CDH12: variants seen among roughly 807,000 people sequenced by gnomAD.
CDH12 encodes the protein cadherin-12.
Under a neutral mutation model 74.1 loss-of-function variants are expected in CDH12, and 41 were observed. That is an observed-to-expected ratio of 0.55 (90% CI 0.43 to 0.72). The LOEUF (loss-of-function observed/expected upper bound fraction) is 0.72, where lower values mean the gene tolerates loss of function less well. Ranked by LOEUF, CDH12 falls within the 30% of genes least tolerant of loss-of-function variation. The pLI is 0.00. For missense variants in CDH12, 945 were observed against 977.2 expected, an observed-to-expected ratio of 0.97 and a Z score of 0.44; for synonymous variants, 399 against 355.0, an observed-to-expected ratio of 1.12 and a Z score of -1.39.
At position 22,650,320 on chromosome 5, in the gene CDH12, G is replaced by A. The variant is rs139915724; in HGVS notation, c.-522-144956C>T. Among the ~76,000 whole-genome samples, 502 of 152,032 alleles carry A rather than the reference G, an allele frequency of 3.3e-3. 1 individual carries two copies. The highest frequency in any genetic ancestry group is 9.1e-3 in the African/African-American group (378 of 41,520). On this transcript the variant is annotated intron_variant, in intron 1 of 14. Transcript: ENST00000382254. ...GATAGATATAGGCTTGCTCTTCTTA[G>A]TTTTATTTTTTGTTTAGTTATGGAA...
At chr5:22,423,514 G>T (rs1054301153) in intron 2 of CDH12, among the ~76,000 whole-genome samples, 1 of 152,168 alleles carries the variant, frequency 6.6e-6, no homozygotes, top group Admixed American at 6.5e-5. Flanking sequence ...TTTTGAATGT[G>T]GGATAGGTCT....
intron 6 of CDH12, among the ~76,000 whole-genome samples, chr5:21,964,148 A>G (rs998192551): frequency 5.3e-5 from 8 of 152,052 alleles, no homozygotes; most frequent in African/African-American, 1.9e-4. Flanking sequence ...ATTAGGAAAA[A>G]TTATAAGAAT....
chr5:22,368,063 G>A (rs1463818106), intron 3 of CDH12, among the ~76,000 whole-genome samples: 2 of 151,994 alleles, frequency 1.3e-5, no homozygotes, highest in Non-Finnish European at 2.9e-5. Flanking sequence ...AACTTCTGCA[G>A]TCTTCTATAT....
At chr5:22,425,689 A>T (rs1487677342) in intron 2 of CDH12, among the ~76,000 whole-genome samples, 1 of 151,746 alleles carries the variant, frequency 6.6e-6, no homozygotes, top group Non-Finnish European at 1.5e-5. Flanking sequence ...TACTTTCTTA[A>T]TTTATATTAC....
At chr5:22,170,378 C>A (rs1274020469) in intron 4 of CDH12, among the ~76,000 whole-genome samples, 1 of 151,684 alleles carries the variant, frequency 6.6e-6, no homozygotes, top group Non-Finnish European at 1.5e-5. Flanking sequence ...ACTAACATTT[C>A]CTGAATACTT....
intron 6 of CDH12, chr5:21,883,160 G>A: frequency 6.6e-7 from 1 of 1,512,212 alleles, no homozygotes; most frequent in East Asian, 2.3e-5. Context: ...CTGATGCAAT[G>A]AAAAAGGTTG....
chr5:22,124,781 T>C (rs1561137412), intron 4 of CDH12, among the ~76,000 whole-genome samples: 1 of 152,236 alleles, frequency 6.6e-6, no homozygotes, highest in Non-Finnish European at 1.5e-5. Flanking sequence ...TTTTTATTTT[T>C]TCCTCCTTAT....
chr5:22,046,856 G>A (rs10052526), intron 5 of CDH12, among the ~76,000 whole-genome samples: 34,862 of 151,982 alleles, frequency 0.23, 4,130 homozygotes, highest in South Asian at 0.33. Context: ...TGAGCATCTC[G>A]TCATGTTTCC....
chr5:22,393,271 A>C (rs1561369557), intron 3 of CDH12, among the ~76,000 whole-genome samples: 1 of 152,162 alleles, frequency 6.6e-6, no homozygotes, highest in East Asian at 1.9e-4. Flanking sequence ...GAAACGTTAG[A>C]GTGAAGTGGC....
chr5:22,753,584 C>G (rs1745718329), intron 1 of CDH12, among the ~76,000 whole-genome samples: 1 of 147,936 alleles, frequency 6.8e-6, no homozygotes, highest in South Asian at 2.2e-4. Context: ...TATTTTTTGA[C>G]TTTATGTGTT....
At chr5:22,551,817 G>A (rs1382193182) in intron 1 of CDH12, among the ~76,000 whole-genome samples, 1 of 152,024 alleles carries the variant, frequency 6.6e-6, no homozygotes, top group Non-Finnish European at 1.5e-5. Flanking sequence ...ATCCATTTGA[G>A]GTCAAAGCTA....
chr5:21,837,908 AAAT>A (rs1482839638), intron 8 of CDH12, among the ~76,000 whole-genome samples: 1 of 152,114 alleles, frequency 6.6e-6, no homozygotes, highest in Non-Finnish European at 1.5e-5. Context: ...TACAAGCAGA[AAAT>A]AATTTGATCA....
At chr5:22,431,060 A>G (rs1744150364) in intron 2 of CDH12, among the ~76,000 whole-genome samples, 1 of 152,164 alleles carries the variant, frequency 6.6e-6, no homozygotes, top group African/African-American at 2.4e-5. Context: ...TTAATTTGGT[A>G]TATTTCTCCT....
chr5:22,247,355 G>A (rs1214461276), intron 3 of CDH12, among the ~76,000 whole-genome samples: 1 of 152,110 alleles, frequency 6.6e-6, no homozygotes, highest in Admixed American at 6.6e-5. Context: ...AGACTACACT[G>A]AGCTACCACA....
At chr5:22,454,343 T>A (rs1487333439) in intron 2 of CDH12, among the ~76,000 whole-genome samples, 1 of 152,214 alleles carries the variant, frequency 6.6e-6, no homozygotes, top group East Asian at 1.9e-4. Context: ...AAAGTGTCAC[T>A]TAAAATCTTG....
chr5:22,656,399 G>A (rs1232329126), intron 1 of CDH12, among the ~76,000 whole-genome samples: 1 of 152,132 alleles, frequency 6.6e-6, no homozygotes, highest in African/African-American at 2.4e-5. Flanking sequence ...CAAATGGCTA[G>A]TAAGAATATG....
chr5:22,852,735 T>C (rs551625718), intron 1 of CDH12, among the ~76,000 whole-genome samples: 1 of 152,330 alleles, frequency 6.6e-6, no homozygotes, highest in South Asian at 2.1e-4. Context: ...AAATAACTAG[T>C]TGGACATCTA....
chr5:22,569,874 T>C (rs753701014), intron 1 of CDH12, among the ~76,000 whole-genome samples: 26 of 152,122 alleles, frequency 1.7e-4, no homozygotes, highest in Non-Finnish European at 2.9e-4. Flanking sequence ...TCCAAACTTG[T>C]GTTAAGGTTG....
intron 3 of CDH12, among the ~76,000 whole-genome samples, chr5:22,244,970 G>A (rs1752896803): frequency 6.6e-6 from 1 of 152,072 alleles, no homozygotes; most frequent in Non-Finnish European, 1.5e-5. Flanking sequence ...TCCTGGAGGA[G>A]GGAAGAGTCA....
Sources: gnomAD v4.1 joint callset for allele counts (sites outside exome capture counted in the v4.1 genomes callset) on GRCh38, gnomAD v4.1.1 for gene constraint, MANE v1.5 for transcripts, NCBI Gene and HGNC (gene_info 2026-07-23, HGNC 2026-07-21) for gene names.